The following CACNA1C variants were observed in gnomAD, a reference collection of about 807,000 sequenced individuals.
CACNA1C encodes calcium voltage-gated channel subunit alpha1 C.
A neutral mutation model predicts 229.0 loss-of-function variants in CACNA1C; 30 were observed. The observed-to-expected ratio is 0.13, with a 90% CI of 0.10 to 0.18. The LOEUF (loss-of-function observed/expected upper bound fraction) is 0.18. Among genes scored for constraint, CACNA1C ranks in the 10% least tolerant of loss-of-function variants. The pLI, the probability that CACNA1C is intolerant of heterozygous loss-of-function variation, is 1.00. For synonymous variants in CACNA1C, 1,114 were observed against 1,132.5 expected (o/e 0.98, Z 0.33); for missense variants, 1,658 against 2,845.0 (o/e 0.58, Z 9.49).
chr12:2,135,733 G>C (rs1322103824), intron 3 of CACNA1C, among the ~76,000 whole-genome samples: 4 of 146,332 alleles, frequency 2.7e-5, no homozygotes. Context: ...GGACATTTAA[G>C]TCTGCAGAAG....
intron 3 of CACNA1C, among the ~76,000 whole-genome samples, chr12:2,226,153 A>G (rs915879956): frequency 1.3e-5 from 2 of 151,798 alleles, no homozygotes; most frequent in African/African-American, 2.4e-5. Flanking sequence ...ACACACACAC[A>G]CACACACACA....
At chr12:1,989,822 G>A (rs112327114) in intron 1 of CACNA1C, among the ~76,000 whole-genome samples, 4,536 of 152,272 alleles carry the variant, frequency 0.03, 98 homozygotes, top group Middle Eastern at 0.054. Context: ...ATTTAGTTGC[G>A]AAATGAAAAA....
rs1302603784 is a variant in CACNA1C at position 2,493,160 on chromosome 12, C to G, written c.917-30C>G. 1.9e-6 allele frequency: 3 copies of G among 1,595,088 alleles called. No individual in the cohort carries two copies. In the East Asian group the frequency reaches 6.7e-5, roughly 36 times the overall value. ...CCACATCTCTCCCTCCCTGCTGCTC[C>G]CGTCTCCTGTCTTCTTCTGGCCATT... On this transcript the variant is annotated intron_variant, in intron 6 of 46. Transcript: ENST00000399655. The surrounding 1 kb of genome is among the most constrained non-coding windows in gnomAD (Gnocchi z 4.6).
chr12:2,453,979 C>G (rs2099400544), intron 4 of CACNA1C, among the ~76,000 whole-genome samples: 1 of 152,198 alleles, frequency 6.6e-6, no homozygotes, highest in Admixed American at 6.5e-5. Flanking sequence ...GCCACTTCCT[C>G]TCCCAGAAGC....
chr12:2,433,113 C>G (rs753112233), intron 3 of CACNA1C, among the ~76,000 whole-genome samples: 2 of 152,180 alleles, frequency 1.3e-5, no homozygotes, highest in Non-Finnish European at 2.9e-5. Flanking sequence ...GTAAGGGTGT[C>G]CAGGCTGCTG....
At chr12:2,615,630 G>T (rs2153472658) in intron 29 of CACNA1C, among the ~76,000 whole-genome samples, 1 of 152,336 alleles carries the variant, frequency 6.6e-6, no homozygotes, top group South Asian at 2.1e-4. Flanking sequence ...ACAGGATGAG[G>T]CTGGGTGGTC....
In CACNA1C at chr12:2,589,763, G is replaced by A. The variant is rs116418923; in HGVS notation, c.2531-3450G>A. ...GAATGGGGGCAGGGAGGATACTTGC[G>A]CAGTATCCAGGCAGAGAGGATGGCA... On this transcript the variant is annotated intron_variant, in intron 18 of 46. Coordinates refer to ENST00000399655, the MANE Select transcript of CACNA1C (RefSeq NM_000719.7). 2.0e-3 allele frequency among the ~76,000 whole-genome samples: 305 copies of A among 152,302 alleles called. 3 individuals carry two copies. Among genetic ancestry groups the A allele is most frequent in the African/African-American group, 6.8e-3 (284 of 41,566 alleles).
At chr12:2,483,443 C>T (rs770477031) in intron 5 of CACNA1C, among the ~76,000 whole-genome samples, 4 of 152,142 alleles carry the variant, frequency 2.6e-5, no homozygotes, top group East Asian at 1.9e-4. Context: ...AGGAGGAAAA[C>T]GAGTCATGGA....
At position 2,142,975 on chromosome 12, in the gene CACNA1C, A is replaced by T. The variant is rs553065176; in HGVS notation, c.477+22545A>T. On this transcript the variant is annotated intron_variant, in intron 3 of 46. Transcript: ENST00000399655. Reference sequence around the variant, plus strand: ...TTAATTGAATAAAGAAAATCTTTAAATTTTTTTTTTTGTTTTTTGAGACGG... The same window carrying T: ...TTAATTGAATAAAGAAAATCTTTAATTTTTTTTTTTTGTTTTTTGAGACGG... Among the ~76,000 whole-genome samples the T allele has an allele frequency of 3.1e-4, 46 of 147,582 alleles. 6 individuals carry two copies. In the South Asian group the frequency reaches 9.3e-3, roughly 30 times the overall value.
intron 1 of CACNA1C, among the ~76,000 whole-genome samples, chr12:1,974,572 G>A (rs1163708231): frequency 6.6e-6 from 1 of 152,142 alleles, no homozygotes; most frequent in Non-Finnish European, 1.5e-5. Context: ...CTCAAAGGAT[G>A]CAACAATTCT....
In CACNA1C at chr12:2,096,243, G is replaced by A. The variant is rs192748205; in HGVS notation, c.50-18981G>A. ...AGTCTGGTTTTACTCAGTTGTGAAG[G>A]CATGTTTGTGCATGTGCACATATGA... On this transcript the variant is annotated intron_variant, in intron 1 of 46. Transcript: ENST00000399655. Among the ~76,000 whole-genome samples, 123 of 152,352 alleles carry A rather than the reference G, an allele frequency of 8.1e-4. 1 individual carries two copies. The highest frequency in any genetic ancestry group is 6.8e-3 in the Middle Eastern group (2 of 294).
At chr12:2,187,491 AG>A (rs1479626117) in intron 3 of CACNA1C, among the ~76,000 whole-genome samples, 1 of 151,976 alleles carries the variant, frequency 6.6e-6, no homozygotes, top group Non-Finnish European at 1.5e-5. Flanking sequence ...TTCCCTCTGG[AG>A]GCCTCAGCCT....
chr12:2,004,151 A>C, intron 1 of CACNA1C: 8 of 1,278,318 alleles, frequency 6.3e-6, no homozygotes, highest in South Asian at 6.1e-5. Flanking sequence ...CTTCGGCCTC[A>C]GTCCCCAGAT....
intron 1 of CACNA1C, among the ~76,000 whole-genome samples, chr12:2,078,982 A>G (rs2064338652): frequency 6.6e-6 from 1 of 152,080 alleles, no homozygotes; most frequent in African/African-American, 2.4e-5. Flanking sequence ...CTTTGTAGGG[A>G]CATGGATGAA....
intron 29 of CACNA1C, chr12:2,613,170 G>A (rs1053508491): frequency 6.6e-6 from 1 of 152,202 alleles, no homozygotes; most frequent in African/African-American, 2.4e-5. Context: ...TTCTTTGAAT[G>A]AATATTCACT....
intron 3 of CACNA1C, among the ~76,000 whole-genome samples, chr12:2,137,548 G>T (rs1215372387): frequency 1.3e-5 from 2 of 151,182 alleles, no homozygotes; most frequent in Non-Finnish European, 3.0e-5. Flanking sequence ...ATTACACCAG[G>T]GTGATGGGGC....
chr12:2,541,100 T>C (rs2099868919), intron 9 of CACNA1C, among the ~76,000 whole-genome samples: 1 of 152,126 alleles, frequency 6.6e-6, no homozygotes, highest in Non-Finnish European at 1.5e-5. Flanking sequence ...AAGGATCCGG[T>C]CACACTGGAT....
chr12:2,350,860 C>A, intron 3 of CACNA1C, among the ~76,000 whole-genome samples: 1 of 152,226 alleles, frequency 6.6e-6, no homozygotes, highest in East Asian at 1.9e-4. Flanking sequence ...TTCCACCTGA[C>A]TCAGGAGTCC....
chr12:2,656,701 CAAAA>C, intron 34 of CACNA1C, among the ~76,000 whole-genome samples: 1 of 152,118 alleles, frequency 6.6e-6, no homozygotes, highest in African/African-American at 2.4e-5. Flanking sequence ...CTACAGTAAC[CAAAA>C]CAGCATGGTA....
Sources: gnomAD v4.1 joint callset for allele counts (sites outside exome capture counted in the v4.1 genomes callset) on GRCh38, gnomAD v4.1.1 for gene constraint, Gnocchi (gnomAD v3.1) non-coding constraint, MANE v1.5 for transcripts, NCBI Gene and HGNC (gene_info 2026-07-23, HGNC 2026-07-21) for gene names.